Variants in SLC6A11 observed in about 807,000 individuals in gnomAD.
SLC6A11 encodes the protein solute carrier family 6 member 11, also known as sodium- and chloride-dependent GABA transporter 3.
Under a neutral mutation model 74.8 loss-of-function variants are expected in SLC6A11, and 25 were observed. The ratio of observed to expected loss-of-function variants is 0.33; its 90% CI spans 0.24 to 0.47. SLC6A11 has a LOEUF of 0.47. Among genes scored for constraint, SLC6A11 ranks in the 20% least tolerant of loss-of-function variants. SLC6A11 has a pLI of 1.00. For synonymous variants in SLC6A11, 330 were observed against 330.2 expected (o/e 1.00, Z 0.01); for missense variants, 574 against 837.0 (o/e 0.69, Z 3.88).
intron 13 of SLC6A11, among the ~76,000 whole-genome samples, chr3:10,937,351 G>T (rs1055969561): frequency 6.6e-6 from 1 of 152,204 alleles, no homozygotes; most frequent in African/African-American, 2.4e-5. Context: ...CACGGTGCCT[G>T]GCACAGAGGA....
In SLC6A11 at chr3:10,858,616, G is replaced by A. The variant is rs1162010553; in HGVS notation, c.756+14270G>A. Among the ~76,000 whole-genome samples the A allele has an allele frequency of 3.9e-5, 6 of 152,198 alleles. No homozygotes were observed. The East Asian group carries it at 9.6e-4, about 24-fold the overall frequency. On this transcript the variant is annotated intron_variant, in intron 5 of 13. Coordinates refer to ENST00000254488, the MANE Select transcript of SLC6A11 (RefSeq NM_014229.3). ...TCTTCACAATAATTCTTTGAAGTAGGTATTTTTGTTTCCACTTTATAGGTG... is the reference window on the plus strand; with the variant it reads ...TCTTCACAATAATTCTTTGAAGTAGATATTTTTGTTTCCACTTTATAGGTG...
intron 6 of SLC6A11, among the ~76,000 whole-genome samples, chr3:10,911,428 A>G (rs988114143): frequency 2.1e-4 from 32 of 152,122 alleles, no homozygotes; most frequent in African/African-American, 7.7e-4. Flanking sequence ...GAGCTTGGGG[A>G]CTAGGAAAGT....
Position 10,819,808 on chromosome 3 carries a change from C to T in SLC6A11, c.488C>T (p.Thr163Ile). The T allele has an allele frequency of 1.9e-6, 3 of 1,614,258 alleles. No individual in the cohort carries two copies. The highest frequency in any genetic ancestry group is 2.5e-6 in the Non-Finnish European group (3 of 1,180,042). ...WAIFYLSNCF[T>I]TELPWATCGH... ...ATTTTTTACCTGAGCAACTGCTTCA[C>T]TACTGAGCTACCCTGGGCTACCTGT... Residue 163 changes from threonine (T) to isoleucine (I), a missense_variant, in exon 3 of 14, where the codon ACT (threonine) becomes ATT (isoleucine). Around this residue, in one of 4 missense-constraint regions of SLC6A11, gnomAD observed 215 missense variants for 357.9 expected, o/e 0.60. Transcript: ENST00000254488.
chr3:10,930,932 G>C (rs1329622939), intron 10 of SLC6A11, among the ~76,000 whole-genome samples: 2 of 152,170 alleles, frequency 1.3e-5, no homozygotes, highest in Non-Finnish European at 2.9e-5. Flanking sequence ...CCGCCTTCTC[G>C]GAGGACTATC....
chr3:10,901,425 C>A lies in SLC6A11; in HGVS notation c.892-10665C>A, dbSNP rs115220319. ...CAAACTCCCCCTGCACAGGATTGAA[C>A]GGCTCCTCACCGCCCGCAGCGCAAC... On this transcript the variant is annotated intron_variant, in intron 6 of 13. Coordinates refer to ENST00000254488, the MANE Select transcript of SLC6A11 (RefSeq NM_014229.3). Among the ~76,000 whole-genome samples, 799 of 152,330 alleles carry A rather than the reference C, an allele frequency of 5.2e-3. 9 individuals carry two copies. Among genetic ancestry groups the A allele is most frequent in the African/African-American group, 0.018 (753 of 41,588 alleles).
At chr3:10,924,903 A>G (rs4684746) in intron 8 of SLC6A11, among the ~76,000 whole-genome samples, 22,602 of 152,244 alleles carry the variant, frequency 0.15, 2,236 homozygotes, top group Admixed American at 0.32. Flanking sequence ...TAAAATGGCA[A>G]AGCTACTTTG....
In SLC6A11 at chr3:10,933,214, G is replaced by A. The variant is rs147014534; in HGVS notation, c.1435G>A (p.Val479Met). ...CGCCAGTGGGATGTGCCTTCTCTTC[G>A]TGGCCATCTTTGAGTGCATCTGCAT... Reference protein sequence around the residue: ...YAASGMCLLFVAIFECICIGW... With the variant: ...YAASGMCLLFMAIFECICIGW... Residue 479 changes from valine (V) to methionine (M), a missense_variant, in exon 11 of 14, where the codon GTG (valine) becomes ATG (methionine). Val to Met is a conservative substitution (Grantham distance 21). Coordinates refer to ENST00000254488, the MANE Select transcript of SLC6A11 (RefSeq NM_014229.3). The A allele has an allele frequency of 1.1e-5, 17 of 1,613,910 alleles. No homozygotes were observed. Among genetic ancestry groups the A allele is most frequent in the East Asian group, 2.2e-5 (1 of 44,868 alleles).
intron 8 of SLC6A11, among the ~76,000 whole-genome samples, chr3:10,924,947 A>G (rs1330024098): frequency 6.6e-6 from 1 of 152,254 alleles, no homozygotes; most frequent in Non-Finnish European, 1.5e-5. Flanking sequence ...AACGTTAAAC[A>G]TATGATTGCC....
At chr3:10,899,541 A>G (rs1157125187) in intron 6 of SLC6A11, among the ~76,000 whole-genome samples, 2 of 152,226 alleles carry the variant, frequency 1.3e-5, no homozygotes, top group South Asian at 2.1e-4. Context: ...AGATTCTGGA[A>G]GATCTATTCC....
At chr3:10,855,203 T>C (rs1319993020) in intron 5 of SLC6A11, among the ~76,000 whole-genome samples, 2 of 152,222 alleles carry the variant, frequency 1.3e-5, no homozygotes, top group Non-Finnish European at 2.9e-5. Flanking sequence ...AAATATCTCC[T>C]GCTGATACAA....
At chr3:10,831,812 A>T (rs548516203) in intron 4 of SLC6A11, among the ~76,000 whole-genome samples, 1 of 152,244 alleles carries the variant, frequency 6.6e-6, no homozygotes, top group South Asian at 2.1e-4. Flanking sequence ...GTAGGCAGAC[A>T]TTGTGAAGAA....
intron 5 of SLC6A11, among the ~76,000 whole-genome samples, chr3:10,849,622 T>A (rs1309986809): frequency 6.6e-6 from 1 of 152,210 alleles, no homozygotes; most frequent in African/African-American, 2.4e-5. Flanking sequence ...ATTTCCCATT[T>A]GTACAAACAT....
At chr3:10,927,759 C>T (rs1695628651) in intron 9 of SLC6A11, among the ~76,000 whole-genome samples, 1 of 152,230 alleles carries the variant, frequency 6.6e-6, no homozygotes, top group Admixed American at 6.5e-5. Flanking sequence ...GGCTAGTCAC[C>T]TCGCCTCTCT....
rs532723714 is a variant in SLC6A11, at chr3:10,881,938, A to G, written c.891+6843A>G. Among the ~76,000 whole-genome samples the G allele has an allele frequency of 9.2e-5, 14 of 152,234 alleles. No individual in the cohort carries two copies. In the South Asian group the frequency reaches 2.9e-3, roughly 32 times the overall value. ...TGTGTCATTTACATTTCTAAAGGGG[A>G]CACAGGGCGTCTGACTGGTACAAAG... is the stretch of plus-strand genomic sequence containing the variant. On this transcript the variant is annotated intron_variant, in intron 6 of 13. Transcript: ENST00000254488.
intron 5 of SLC6A11, among the ~76,000 whole-genome samples, chr3:10,862,452 C>T (rs1246150639): frequency 6.6e-6 from 1 of 152,166 alleles, no homozygotes; most frequent in Admixed American, 6.5e-5. Flanking sequence ...ACTCCCTCAT[C>T]GAGTGAATTT....
chr3:10,909,557 G>A lies in SLC6A11; in HGVS notation c.892-2533G>A, dbSNP rs903774530. Among the ~76,000 whole-genome samples, 6 of 152,208 alleles carry A rather than the reference G, an allele frequency of 3.9e-5. 1 individual carries two copies. The highest frequency in any genetic ancestry group is 1.2e-4 in the African/African-American group (5 of 41,450). On this transcript the variant is annotated intron_variant, in intron 6 of 13. Coordinates refer to ENST00000254488, the MANE Select transcript of SLC6A11 (RefSeq NM_014229.3). ...GGGGAGCCAGCTCTCCCACAACTCT[G>A]AGGGCTTTGCTCACTCTGGCCTGCA...
chr3:10,873,961 CGCTAT>C (rs1312939369), intron 5 of SLC6A11, among the ~76,000 whole-genome samples: 4 of 142,644 alleles, frequency 2.8e-5, no homozygotes, highest in Non-Finnish European at 4.6e-5. Flanking sequence ...TGCTATGCTA[CGCTAT>C]GCTATGCTAC....
At chr3:10,884,502 A>G (rs1394169848) in intron 6 of SLC6A11, among the ~76,000 whole-genome samples, 2 of 152,212 alleles carry the variant, frequency 1.3e-5, no homozygotes, top group African/African-American at 4.8e-5. Flanking sequence ...GGCTCTACCA[A>G]TGAGAGGACT....
intron 8 of SLC6A11, 27 bp from the exon 9 acceptor site, chr3:10,925,977 T>C (rs764783549): frequency 7.6e-7 from 1 of 1,321,034 alleles, no homozygotes; most frequent in Non-Finnish European, 1.1e-6. Context: ...CTCCACCCAG[T>C]GGCTTTCTCT....
Sources: allele counts gnomAD v4.1 joint callset (sites outside exome capture counted in the v4.1 genomes callset), GRCh38; gene constraint gnomAD v4.1.1; regional missense constraint gnomAD v4.1.1; transcripts MANE v1.5; gene names NCBI Gene and HGNC (gene_info 2026-07-23, HGNC 2026-07-21).